The following XRCC4 variants were observed in gnomAD, a reference collection of about 807,000 sequenced individuals.
XRCC4 encodes DNA repair protein XRCC4.
XRCC4 carries 28 observed loss-of-function variants against 39.1 expected under a neutral mutation model. That is an observed-to-expected ratio of 0.72 (90% CI 0.53 to 0.98). The LOEUF is 0.98. Among genes scored for constraint, XRCC4 ranks in the 50% least tolerant of loss-of-function variants. The pLI, the probability that XRCC4 is intolerant of heterozygous loss-of-function variation, is 0.00. For missense variants in XRCC4, 350 were observed against 376.4 expected (o/e 0.93, Z 0.58); for synonymous variants, 123 against 126.4 (o/e 0.97, Z 0.18).
intron 4 of XRCC4, among the ~76,000 whole-genome samples, chr5:83,196,765 G>T (rs916083361): frequency 6.6e-6 from 1 of 151,368 alleles, no homozygotes; most frequent in East Asian, 1.9e-4. Context: ...ACATCCAGTA[G>T]ATTTTTTAAA....
At chr5:83,359,639 G>T in the XRCC4 span, among the ~76,000 whole-genome samples, 2 of 151,964 alleles carry the variant, frequency 1.3e-5, no homozygotes, top group African/African-American at 4.8e-5. Context: ...TTTATTAGTC[G>T]AATGGTTCTT....
chr5:83,341,317 A>G (rs1385085939), intron 7 of XRCC4, among the ~76,000 whole-genome samples: 11 of 152,100 alleles, frequency 7.2e-5, no homozygotes, highest in Admixed American at 7.2e-4. Flanking sequence ...TAGACACATG[A>G]GCACATACAC....
At chr5:83,225,375 A>G (rs1224326128) in intron 6 of XRCC4, among the ~76,000 whole-genome samples, 3 of 151,878 alleles carry the variant, frequency 2.0e-5, no homozygotes, top group African/African-American at 4.8e-5. Flanking sequence ...GGACAGGGAG[A>G]GGAACTATGG....
At chr5:83,196,920 A>G (rs1442714026) in intron 4 of XRCC4, among the ~76,000 whole-genome samples, 1 of 151,866 alleles carries the variant, frequency 6.6e-6, no homozygotes, top group African/African-American at 2.4e-5. Flanking sequence ...TTTTACCACT[A>G]TCAACATATG....
At chr5:83,121,901 AT>A (rs61101381) in intron 3 of XRCC4, among the ~76,000 whole-genome samples, 69,899 of 151,806 alleles carry the variant, frequency 0.46, 16,886 homozygotes, top group African/African-American at 0.58. Flanking sequence ...TTCATTTTTT[AT>A]ATGAATATTT....
chr5:83,204,915 G>T lies in XRCC4; in HGVS notation c.739G>T (p.Ala247Ser), dbSNP rs3734091. 0.015 allele frequency: 23,906 copies of T among 1,608,646 alleles called. 401 individuals carry two copies. The highest frequency in any genetic ancestry group is 0.076 in the East Asian group (3,408 of 44,712). Residue 247 changes from alanine (A) to serine (S), a missense_variant, in exon 6 of 8, where the codon GCT becomes TCT. Physicochemically the swap from Ala to Ser is moderately conservative, Grantham distance 99 (BLOSUM62 1). Transcript: ENST00000396027. The stretch of plus-strand genomic sequence containing the variant: ...AAACCAAACTGATCTCTCTGGGTTG[G>T]CTTCAGGTAAGAGATACATACATTT... ...SENQTDLSGLASAAVSKDDSI... is the reference protein window; with the variant it reads ...SENQTDLSGLSSAAVSKDDSI...
intron 3 of XRCC4, among the ~76,000 whole-genome samples, chr5:83,114,962 A>C (rs923116408): frequency 6.6e-6 from 1 of 152,208 alleles, no homozygotes; most frequent in Non-Finnish European, 1.5e-5. Context: ...AAGGAGGAAC[A>C]AAGTTACGTC....
chr5:83,296,585 ATTTAT>A (rs1259652670), intron 7 of XRCC4, among the ~76,000 whole-genome samples: 1 of 152,068 alleles, frequency 6.6e-6, no homozygotes, highest in Admixed American at 6.6e-5. Flanking sequence ...AAAAAAATTT[ATTTAT>A]TTTATTTTTT....
Position 83,147,548 on chromosome 5 carries a change from G to T in XRCC4, c.315+36345G>T, listed in dbSNP as rs13362409. ...AGTAGAATGATGGTTACCTGGGGTT[G>T]GGGGTGGGGTAGAAGGTGCTTGAAG... is the stretch of plus-strand genomic sequence containing the variant. On this transcript the variant is annotated intron_variant, in intron 3 of 7. Coordinates refer to ENST00000396027, the MANE Select transcript of XRCC4 (RefSeq NM_003401.5). Among the ~76,000 whole-genome samples the T allele has an allele frequency of 3.2e-3, 491 of 152,244 alleles. 2 individuals carry two copies. Among genetic ancestry groups the T allele is most frequent in the African/African-American group, 0.011 (468 of 41,540 alleles).
chr5:83,136,197 G>T (rs1210741382), intron 3 of XRCC4, among the ~76,000 whole-genome samples: 1 of 152,108 alleles, frequency 6.6e-6, no homozygotes, highest in Non-Finnish European at 1.5e-5. Flanking sequence ...GAATAATTTT[G>T]TGATTATATG....
At chr5:83,187,144 C>G (rs1447001828) in intron 3 of XRCC4, among the ~76,000 whole-genome samples, 1 of 59,996 alleles carries the variant, frequency 1.7e-5, no homozygotes, top group Admixed American at 1.2e-4. Flanking sequence ...GGGGTTTCAC[C>G]GCGTTAGCCA....
At chr5:83,357,140 A>G (rs1475558879), downstream of XRCC4, among the ~76,000 whole-genome samples, 1 of 152,254 alleles carries the variant, frequency 6.6e-6, no homozygotes, top group East Asian at 1.9e-4. Flanking sequence ...GAACTGGGCC[A>G]TGTGAAAAAT....
At chr5:83,277,799 T>A (rs1754386804) in intron 7 of XRCC4, among the ~76,000 whole-genome samples, 1 of 152,262 alleles carries the variant, frequency 6.6e-6, no homozygotes, top group Non-Finnish European at 1.5e-5. Flanking sequence ...TTTTGTTTTC[T>A]GTCTGTACCA....
chr5:83,247,965 A>G (rs1361930841), intron 6 of XRCC4, among the ~76,000 whole-genome samples: 1 of 152,174 alleles, frequency 6.6e-6, no homozygotes, highest in Non-Finnish European at 1.5e-5. Flanking sequence ...TACTGCAGTA[A>G]TAACAGTAGA....
intron 6 of XRCC4, among the ~76,000 whole-genome samples, chr5:83,226,614 C>G (rs1011124713): frequency 6.6e-6 from 1 of 152,120 alleles, no homozygotes; most frequent in Non-Finnish European, 1.5e-5. Context: ...ACCCTCCTCT[C>G]TAAAAGGAGA....
At position 83,304,244 on chromosome 5, in the gene XRCC4, A is replaced by G. The variant is rs186549233; in HGVS notation, c.893+45567A>G. ...ACCCAGGCTGGAGTGCAGTGGTGCA[A>G]TCTTGGCTCACTGCAACCTCCGCTT... is the stretch of plus-strand genomic sequence containing the variant. On this transcript the variant is annotated intron_variant, in intron 7 of 7. Coordinates refer to ENST00000396027, the MANE Select transcript of XRCC4 (RefSeq NM_003401.5). Among the ~76,000 whole-genome samples, 435 of 149,222 alleles carry G rather than the reference A, an allele frequency of 2.9e-3. 4 individuals carry two copies. The highest frequency in any genetic ancestry group is 0.01 in the African/African-American group (412 of 40,242).
intron 3 of XRCC4, among the ~76,000 whole-genome samples, chr5:83,126,212 A>T (rs1747255959): frequency 6.6e-6 from 1 of 151,788 alleles, no homozygotes; most frequent in Non-Finnish European, 1.5e-5. Context: ...TTTTTAGCAT[A>T]CAGATCCTAT....
intron 6 of XRCC4, among the ~76,000 whole-genome samples, chr5:83,224,142 G>T (rs1017023044): frequency 2.0e-5 from 3 of 151,796 alleles, no homozygotes; most frequent in African/African-American, 7.3e-5. Flanking sequence ...TTATTGATAG[G>T]TATGGAGTTA....
intron 6 of XRCC4, among the ~76,000 whole-genome samples, chr5:83,209,000 T>C (rs1314164396): frequency 1.3e-5 from 2 of 151,970 alleles, no homozygotes; most frequent in Non-Finnish European, 2.9e-5. Context: ...TAGGGATCAC[T>C]TTCACCCCTA....
Sources: gnomAD v4.1 joint callset for allele counts (sites outside exome capture counted in the v4.1 genomes callset) on GRCh38, gnomAD v4.1.1 for gene constraint, MANE v1.5 for transcripts, NCBI Gene and HGNC (gene_info 2026-07-23, HGNC 2026-07-21) for gene names.